The following XIRP2 variants were observed in gnomAD, a reference collection of about 807,000 sequenced individuals.
XIRP2 encodes the protein xin actin binding repeat containing 2, also known as xin actin-binding repeat-containing protein 2.
A neutral mutation model predicts 277.0 loss-of-function variants in XIRP2; 236 were observed. The ratio of observed to expected loss-of-function variants is 0.85; its 90% CI spans 0.77 to 0.95. The LOEUF (loss-of-function observed/expected upper bound fraction) is 0.95. Among genes scored for constraint, XIRP2 ranks in the 40% least tolerant of loss-of-function variants. The pLI is 0.00. For missense variants in XIRP2, 4,640 were observed against 4,157.5 expected (o/e 1.12, Z -3.19); for synonymous variants, 1,490 against 1,416.5 (o/e 1.05, Z -1.17).
chr2:167,082,678 G>A (rs146513423), intron 2 of XIRP2, among the ~76,000 whole-genome samples: 246 of 152,242 alleles, frequency 1.6e-3, no homozygotes, highest in Middle Eastern at 3.4e-3. Flanking sequence ...GTTTTGATTT[G>A]CATTTCTCTG....
At position 167,248,827 on chromosome 2, in the gene XIRP2, CAGA is replaced by C. The variant is rs768314070; in HGVS notation, c.7437_7439del (p.Gln2479_Asn2480delinsHis). Reference sequence around the variant, plus strand: ...CAGCAGTGAACACACGGAGACAAAGCAGAACGTTATTAGTAAGAGTCTTGATGA... The same window carrying C: ...CAGCAGTGAACACACGGAGACAAAGCACGTTATTAGTAAGAGTCTTGATGA... On this transcript the variant is annotated inframe_deletion, in exon 9 of 11. Coordinates refer to ENST00000409195, the MANE Select transcript of XIRP2 (RefSeq NM_152381.6). The C allele has an allele frequency of 1.6e-4, 252 of 1,613,424 alleles. No individual in the cohort carries two copies. Among genetic ancestry groups the C allele is most frequent in the Non-Finnish European group, 1.9e-4 (219 of 1,179,754 alleles).
At position 167,049,185 on chromosome 2, in the gene XIRP2, CT is replaced by C. The variant is rs559489461; in HGVS notation, c.409-86712del. On this transcript the variant is annotated intron_variant, in intron 2 of 10. Coordinates refer to ENST00000409195, the MANE Select transcript of XIRP2 (RefSeq NM_152381.6). ...AAGCTCTAGGAAGTGTTCAAAAAGCCTTTTTTTTTTTTAATCAGGGTTCATT... is the reference window on the plus strand; with the variant it reads ...AAGCTCTAGGAAGTGTTCAAAAAGCCTTTTTTTTTTTAATCAGGGTTCATT... 3.0e-3 allele frequency among the ~76,000 whole-genome samples: 432 copies of C among 142,592 alleles called. 1 individual carries two copies. Among genetic ancestry groups the C allele is most frequent in the Admixed American group, 5.7e-3 (80 of 14,144 alleles). 93.5% of individuals were successfully genotyped at this position (142,592 alleles called of 152,430 possible). A position where few individuals can be genotyped will look rare whatever the true frequency, so the allele number is the denominator to read the frequency against.
At chr2:167,205,883 AT>A (rs904433130) in intron 3 of XIRP2, among the ~76,000 whole-genome samples, 2 of 152,026 alleles carry the variant, frequency 1.3e-5, no homozygotes, top group Admixed American at 1.3e-4. Context: ...TAGGTATTAT[AT>A]TTTGAGGGCC....
intron 2 of XIRP2, among the ~76,000 whole-genome samples, chr2:166,975,896 ACTCCAGC>A (rs1161366221): frequency 8.0e-6 from 1 of 125,036 alleles, no homozygotes; most frequent in Non-Finnish European, 1.6e-5. Context: ...GTGCTACTGT[ACTCCAGC>A]CTGGGTGACA....
At position 167,242,891 on chromosome 2, in the gene XIRP2, G is replaced by A. The variant is rs201393718; in HGVS notation, c.1499G>A (p.Arg500His). ...SKQRNLYELN[R>H]LYKHIHPELR... ...CAAAGAAATTTGTATGAATTAAACC[G>A]TTTATATAAACACATCCATCCTGAG... Residue 500 changes from arginine to histidine, a missense_variant, in exon 9 of 11, where the codon CGT (arginine) becomes CAT (histidine). By Grantham distance (29) the Arg-to-His change is conservative. Transcript: ENST00000409195. 4.9e-5 allele frequency: 79 copies of A among 1,614,000 alleles called. No homozygotes were observed. The highest frequency in any genetic ancestry group is 4.5e-4 in the East Asian group (20 of 44,858).
At chr2:167,182,540 A>C (rs1222601725) in intron 3 of XIRP2, among the ~76,000 whole-genome samples, 1 of 152,196 alleles carries the variant, frequency 6.6e-6, no homozygotes, top group African/African-American at 2.4e-5. Flanking sequence ...GCTTGTATAG[A>C]ACTTTTAGAT....
intron 2 of XIRP2, among the ~76,000 whole-genome samples, chr2:167,075,873 G>A (rs1386674414): frequency 1.3e-5 from 2 of 150,062 alleles, no homozygotes; most frequent in African/African-American, 2.5e-5. Context: ...GGTGGGTTTC[G>A]CCATGTTGGC....
In XIRP2 at chr2:167,155,054, T is replaced by A. The variant is rs1300152803; in HGVS notation, c.562+18992T>A. Among the ~76,000 whole-genome samples, 309 of 151,748 alleles carry A rather than the reference T, an allele frequency of 2.0e-3. 2 individuals are homozygous for A. The highest frequency in any genetic ancestry group is 7.0e-3 in the Admixed American group (107 of 15,244). On this transcript the variant is annotated intron_variant, in intron 3 of 10. Coordinates refer to ENST00000409195, the MANE Select transcript of XIRP2 (RefSeq NM_152381.6). ...TCCCAAGACTAAACCAGGAAGAAGT[T>A]GAATCTCTGAATAGACCAATAACAG...
chr2:167,197,274 T>G (rs1425832955), intron 3 of XIRP2, among the ~76,000 whole-genome samples: 1 of 152,186 alleles, frequency 6.6e-6, no homozygotes, highest in East Asian at 1.9e-4. Flanking sequence ...TTGCAGAATT[T>G]AAAACTTGTT....
intron 2 of XIRP2, among the ~76,000 whole-genome samples, chr2:167,124,905 A>C (rs977979288): frequency 2.2e-4 from 34 of 152,290 alleles, no homozygotes; most frequent in Non-Finnish European, 1.3e-4. Context: ...AGCCAGAAGG[A>C]TGGCCCAGAT....
intron 2 of XIRP2, among the ~76,000 whole-genome samples, chr2:167,023,221 T>A (rs557617507): frequency 1.3e-5 from 2 of 152,216 alleles, no homozygotes; most frequent in Non-Finnish European, 2.9e-5. Context: ...GTTAGCATTT[T>A]TTCATGTGTT....
In XIRP2 at chr2:167,240,688, G is replaced by A. The variant is rs369173586; in HGVS notation, c.994G>A (p.Glu332Lys). The A allele has an allele frequency of 5.0e-5, 81 of 1,613,606 alleles. No homozygotes were observed. The highest frequency in any genetic ancestry group is 1.6e-4 in the Middle Eastern group (1 of 6,080). Reference sequence around the variant, plus strand: ...GGTCTCTCATCTTGAAAAGCACACCGAGGAAGTAAACCAAGCATCTCAGTT... The same window carrying A: ...GGTCTCTCATCTTGAAAAGCACACCAAGGAAGTAAACCAAGCATCTCAGTT... Reference protein sequence around the residue: ...EMVSHLEKHTEEVNQASQFHQ... With the variant: ...EMVSHLEKHTKEVNQASQFHQ... Residue 332 changes from glutamate to lysine, a missense_variant, in exon 7 of 11, where the codon GAG (glutamate) becomes AAG (lysine). By Grantham distance (56) the Glu-to-Lys change is moderately conservative. Coordinates refer to ENST00000409195, the MANE Select transcript of XIRP2 (RefSeq NM_152381.6).
At chr2:166,930,178 C>G (rs538765550) in intron 2 of XIRP2, among the ~76,000 whole-genome samples, 1 of 152,206 alleles carries the variant, frequency 6.6e-6, no homozygotes, top group African/African-American at 2.4e-5. Flanking sequence ...TAACATAAGG[C>G]ACTTCCATTT....
intron 2 of XIRP2, among the ~76,000 whole-genome samples, chr2:166,989,123 C>G (rs1400752027): frequency 9.1e-6 from 1 of 109,544 alleles, no homozygotes; most frequent in African/African-American, 4.2e-5. Context: ...GATCTGAGAA[C>G]GGGCAGACTG....
At chr2:167,033,291 G>T (rs570960351) in intron 2 of XIRP2, among the ~76,000 whole-genome samples, 2 of 152,154 alleles carry the variant, frequency 1.3e-5, no homozygotes, top group Non-Finnish European at 2.9e-5. Flanking sequence ...GCCTGTCAGG[G>T]TTTGGGGGTT....
intron 2 of XIRP2, among the ~76,000 whole-genome samples, chr2:167,098,359 A>G (rs6726877): frequency 0.26 from 39,848 of 151,956 alleles, 7,749 homozygotes; most frequent in African/African-American, 0.55. Context: ...TCTTGTGTAT[A>G]CTTCATGAAG....
chr2:167,178,752 T>C (rs1559009329), intron 3 of XIRP2, among the ~76,000 whole-genome samples: 1 of 152,188 alleles, frequency 6.6e-6, no homozygotes, highest in African/African-American at 2.4e-5. Context: ...CTTTTTGCTT[T>C]TTTTCCTCAC....
chr2:167,123,971 G>A (rs1201668585), intron 2 of XIRP2: 1 of 152,158 alleles, frequency 6.6e-6, no homozygotes, highest in African/African-American at 2.4e-5. Flanking sequence ...GTAGAACTCA[G>A]GCATCAAGCG....
intron 2 of XIRP2, among the ~76,000 whole-genome samples, chr2:167,012,651 C>G (rs1347956930): frequency 6.6e-6 from 1 of 151,506 alleles, no homozygotes; most frequent in African/African-American, 2.4e-5. Context: ...TTTTCCATGT[C>G]CTTGTAAAAT....
Sources: allele counts gnomAD v4.1 joint callset (sites outside exome capture counted in the v4.1 genomes callset), GRCh38; gene constraint gnomAD v4.1.1; transcripts MANE v1.5; gene names NCBI Gene and HGNC (gene_info 2026-07-23, HGNC 2026-07-21).